SCAP: variants seen among roughly 807,000 people sequenced by gnomAD.
SCAP encodes sterol regulatory element-binding protein cleavage-activating protein.
SCAP carries 65 observed loss-of-function variants against 123.6 expected under a neutral mutation model. That is an observed-to-expected ratio of 0.53 (90% confidence interval 0.43 to 0.65). The LOEUF (loss-of-function observed/expected upper bound fraction) is 0.65. SCAP is among the 30% of genes least tolerant of loss of function. The pLI, the probability that SCAP is intolerant of heterozygous loss-of-function variation, is 0.00. For missense variants in SCAP, 1,398 were observed against 1,712.5 expected (o/e 0.82, Z 3.24); for synonymous variants, 740 against 726.3 (o/e 1.02, Z -0.30).
chr3:47,469,214 G>A (rs1707946418), intron 1 of SCAP, among the ~76,000 whole-genome samples: 1 of 152,130 alleles, frequency 6.6e-6, no homozygotes, highest in East Asian at 1.9e-4. Flanking sequence ...CGGGTGTGGT[G>A]GCACATGCCT....
Position 47,451,833 on chromosome 3 carries a change from A to G in SCAP, c.-98-8742T>C, listed in dbSNP as rs1707240511. On this transcript the variant is annotated intron_variant, in intron 1 of 22. Coordinates refer to ENST00000265565, the MANE Select transcript of SCAP (RefSeq NM_012235.4). ...GAACAAAGCCCAAATGCCTCCCCCT[A>G]GCTCTCAGGGCTCTGCACAACCCAC... is the stretch of plus-strand genomic sequence containing the variant. Among the ~76,000 whole-genome samples the G allele has an allele frequency of 1.8e-5, 2 of 111,938 alleles. 1 individual carries two copies. Among genetic ancestry groups the G allele is most frequent in the African/African-American group, 6.0e-5 (2 of 33,114 alleles). The allele number at this position is 111,938 out of a possible 152,430, so 73.4% of individuals were successfully genotyped here.
chr3:47,433,626 G>C (rs1056584800), intron 3 of SCAP, among the ~76,000 whole-genome samples: 4 of 152,208 alleles, frequency 2.6e-5, no homozygotes, highest in Non-Finnish European at 4.4e-5. Context: ...CAGCACTTTG[G>C]GAGGCTGAGG....
intron 1 of SCAP, among the ~76,000 whole-genome samples, chr3:47,444,720 C>A (rs1316039587): frequency 6.6e-6 from 1 of 151,980 alleles, no homozygotes. Context: ...AATGATCCAG[C>A]TGCCTCAGCC....
chr3:47,447,610 C>T (rs1476381185), intron 1 of SCAP, among the ~76,000 whole-genome samples: 1 of 151,744 alleles, frequency 6.6e-6, no homozygotes, highest in African/African-American at 2.4e-5. Context: ...ATTGCTTAAA[C>T]CCGGGAGGCG....
At chr3:47,424,542 C>A (rs1351284575) in intron 8 of SCAP, among the ~76,000 whole-genome samples, 1 of 152,210 alleles carries the variant, frequency 6.6e-6, no homozygotes, top group Non-Finnish European at 1.5e-5. Context: ...AAAGCTCTAC[C>A]AGCTATCTGA....
intron 2 of SCAP, among the ~76,000 whole-genome samples, chr3:47,437,655 A>G (rs1225548252): frequency 4.6e-5 from 7 of 151,738 alleles, no homozygotes; most frequent in African/African-American, 1.7e-4. Context: ...AAGTGGGAGG[A>G]TCGCTTGAGC....
At chr3:47,422,686 G>A (rs957146738) in intron 9 of SCAP, 150 bp from the exon 10 acceptor site, 3 of 595,114 alleles carry the variant, frequency 5.0e-6, no homozygotes, top group African/African-American at 3.8e-5. Context: ...CAACCCTCAG[G>A]GTCCTGCTAA....
In SCAP at chr3:47,427,574, T is replaced by TC; in HGVS notation, c.503dup (p.Cys169MetfsTer13). On this transcript the variant is annotated frameshift_variant, in exon 5 of 23. Coordinates refer to ENST00000265565, the MANE Select transcript of SCAP (RefSeq NM_012235.4). LOFTEE classifies it high-confidence loss of function. ...AGTTCCCAGGGGACAGCAGCAGGCA[T>TC]CCATGCTCAGGGAGTAGGTTCCTGA... 1 of 1,614,164 alleles carries TC rather than the reference T, an allele frequency of 6.2e-7. No individual in the cohort carries two copies. The highest frequency in any genetic ancestry group is 8.5e-7 in the Non-Finnish European group (1 of 1,180,014).
Position 47,416,541 on chromosome 3 carries a change from C to A in SCAP, c.3056+581G>T, listed in dbSNP as rs1457331465. Among the ~76,000 whole-genome samples the A allele has an allele frequency of 3.9e-5, 6 of 151,942 alleles. No individual in the cohort carries two copies. The East Asian group carries it at 1.2e-3, about 29-fold the overall frequency. On this transcript the variant is annotated intron_variant, in intron 18 of 22. Coordinates refer to ENST00000265565, the MANE Select transcript of SCAP (RefSeq NM_012235.4). ...AGAAAGGATAGGAGTATATCACTCC[C>A]CACTGTCACTGCTTAAGGCCCTGGG... is the stretch of plus-strand genomic sequence containing the variant.
chr3:47,463,179 C>T (rs569151392), intron 1 of SCAP, among the ~76,000 whole-genome samples: 27 of 152,290 alleles, frequency 1.8e-4, no homozygotes, highest in African/African-American at 5.8e-4. Flanking sequence ...ATTCCTCCGG[C>T]GGAAAGTTTA....
At chr3:47,471,824 T>C (rs1450239779) in intron 1 of SCAP, among the ~76,000 whole-genome samples, 1 of 152,116 alleles carries the variant, frequency 6.6e-6, no homozygotes, top group Non-Finnish European at 1.5e-5. Flanking sequence ...TGTACTACAG[T>C]GATAATACAG....
intron 16 of SCAP, 81 bp downstream of exon 16, chr3:47,418,053 A>C: frequency 2.4e-6 from 2 of 841,094 alleles, no homozygotes; most frequent in Non-Finnish European, 3.5e-6. Flanking sequence ...GGAGGAAGAA[A>C]GGAGGGGAGA....
intron 1 of SCAP, among the ~76,000 whole-genome samples, chr3:47,460,791 C>T (rs1472316497): frequency 1.3e-5 from 2 of 152,050 alleles, no homozygotes; most frequent in African/African-American, 2.4e-5. Context: ...CTCCTGACCT[C>T]GTGATCCACC....
chr3:47,438,360 G>C (rs1706665412), intron 2 of SCAP, among the ~76,000 whole-genome samples: 1 of 152,030 alleles, frequency 6.6e-6, no homozygotes, highest in Non-Finnish European at 1.5e-5. Flanking sequence ...GCTGGGAACT[G>C]AGAATACAAA....
chr3:47,416,807 T>C (rs1023844719), intron 18 of SCAP, among the ~76,000 whole-genome samples: 31 of 151,722 alleles, frequency 2.0e-4, no homozygotes, highest in Admixed American at 5.9e-4. Flanking sequence ...TTTGTATTTT[T>C]AGTAGAGACG....
chr3:47,472,551 T>C (rs954207452), intron 1 of SCAP, among the ~76,000 whole-genome samples: 1 of 152,202 alleles, frequency 6.6e-6, no homozygotes, highest in African/African-American at 2.4e-5. Flanking sequence ...TGCATCTTTA[T>C]GCTTACATAC....
rs1390663169 is a variant in SCAP at position 47,418,687 on chromosome 3, C to G, written c.2097G>C (p.Gly699=). ...HWEAGPKGPG[G]VQAHGDVTLY... Reference sequence around the variant, plus strand: ...GCGTGACGTCTCCATGGGCCTGCACCCCACCTGGGCCCTTGGGTCCTGCTT... The same window carrying G: ...GCGTGACGTCTCCATGGGCCTGCACGCCACCTGGGCCCTTGGGTCCTGCTT... Residue 699 remains glycine (G), a synonymous_variant, in exon 14 of 23, where the codon GGG becomes GGC. Coordinates refer to ENST00000265565, the MANE Select transcript of SCAP (RefSeq NM_012235.4). 2 of 1,610,550 alleles carry G rather than the reference C, an allele frequency of 1.2e-6. No individual in the cohort carries two copies. The highest frequency in any genetic ancestry group is 1.7e-6 in the Non-Finnish European group (2 of 1,179,112).
intron 1 of SCAP, among the ~76,000 whole-genome samples, chr3:47,452,890 G>C (rs7649234): frequency 0.58 from 87,674 of 150,782 alleles, 25,569 homozygotes; most frequent in Non-Finnish European, 0.61. Context: ...GAAAGTTCAA[G>C]ACCAGCCTGG....
At chr3:47,427,425 A>G (rs957969264) in intron 5 of SCAP, 22 bp downstream of exon 5, 39 of 1,611,352 alleles carry the variant, frequency 2.4e-5, no homozygotes, top group Non-Finnish European at 3.1e-5. Context: ...ACAGGTCTGA[A>G]GGGAACTTGT....
Sources: gnomAD v4.1 joint callset for allele counts (sites outside exome capture counted in the v4.1 genomes callset) on GRCh38, gnomAD v4.1.1 for gene constraint, MANE v1.5 for transcripts, NCBI Gene and HGNC (gene_info 2026-07-23, HGNC 2026-07-21) for gene names.